Variants in PLCB1 observed in about 807,000 individuals in gnomAD.
PLCB1 encodes 1-phosphatidylinositol 4,5-bisphosphate phosphodiesterase beta-1.
Under a neutral mutation model 161.8 loss-of-function variants are expected in PLCB1, and 46 were observed. The observed-to-expected ratio is 0.28, with a 90% CI of 0.22 to 0.36. The LOEUF (loss-of-function observed/expected upper bound fraction) is 0.36. PLCB1 is among the 10% of genes least tolerant of loss of function. The pLI is 1.00. For missense variants in PLCB1, 1,016 were observed against 1,472.5 expected, an observed-to-expected ratio of 0.69 and a Z score of 5.07; for synonymous variants, 517 against 503.7, an observed-to-expected ratio of 1.03 and a Z score of -0.35.
intron 2 of PLCB1, among the ~76,000 whole-genome samples, chr20:8,277,285 G>C (rs943227245): frequency 6.6e-6 from 1 of 151,886 alleles, no homozygotes; most frequent in African/African-American, 2.4e-5. Flanking sequence ...ATCATACCAA[G>C]CCATGTATAA....
At chr20:8,142,625 C>T (rs975206949) in intron 1 of PLCB1, among the ~76,000 whole-genome samples, 28 of 152,234 alleles carry the variant, frequency 1.8e-4, no homozygotes, top group African/African-American at 6.3e-4. Flanking sequence ...CCAAATATTG[C>T]AATGAAAAGC....
chr20:8,560,000 G>C (rs1266801203), intron 3 of PLCB1, among the ~76,000 whole-genome samples: 1 of 151,848 alleles, frequency 6.6e-6, no homozygotes, highest in Non-Finnish European at 1.5e-5. Context: ...CTAAGTTCTG[G>C]AGATACACAT....
At chr20:8,508,790 A>T (rs1320423314) in intron 3 of PLCB1, among the ~76,000 whole-genome samples, 2 of 151,092 alleles carry the variant, frequency 1.3e-5, no homozygotes, top group African/African-American at 4.9e-5. Flanking sequence ...GCTTTGAATT[A>T]TATATATATA....
intron 2 of PLCB1, among the ~76,000 whole-genome samples, chr20:8,161,543 C>G (rs1189512942): frequency 1.3e-5 from 2 of 152,172 alleles, no homozygotes; most frequent in African/African-American, 2.4e-5. Context: ...GTTTAAAGAA[C>G]CTGTTTAATA....
intron 17 of PLCB1, among the ~76,000 whole-genome samples, chr20:8,728,476 G>A (rs1568575314): frequency 1.3e-5 from 2 of 152,036 alleles, no homozygotes; most frequent in African/African-American, 2.4e-5. Context: ...CATTGACCTT[G>A]CTATCAATTA....
chr20:8,504,923 A>G (rs1223145081), intron 3 of PLCB1, among the ~76,000 whole-genome samples: 2 of 152,202 alleles, frequency 1.3e-5, no homozygotes, highest in Non-Finnish European at 2.9e-5. Context: ...GCTGAAGTTC[A>G]GTGGAACGAC....
chr20:8,136,584 C>G (rs2051351915), intron 1 of PLCB1, among the ~76,000 whole-genome samples: 1 of 151,398 alleles, frequency 6.6e-6, no homozygotes, highest in South Asian at 2.1e-4. Context: ...CGAGATCGCG[C>G]CACTGCACTC....
At chr20:8,490,311 A>G (rs1982892957) in intron 3 of PLCB1, among the ~76,000 whole-genome samples, 1 of 152,218 alleles carries the variant, frequency 6.6e-6, no homozygotes, top group African/African-American at 2.4e-5. Flanking sequence ...TGGAGTGCAG[A>G]GCCACAGTGA....
At chr20:8,136,558 G>A (rs544393012) in intron 1 of PLCB1, among the ~76,000 whole-genome samples, 25 of 151,448 alleles carry the variant, frequency 1.7e-4, no homozygotes, top group Non-Finnish European at 2.4e-4. Flanking sequence ...CCTGGGAGGC[G>A]GAGCTTGCAG....
At chr20:8,442,409 C>A (rs1229868446) in intron 3 of PLCB1, among the ~76,000 whole-genome samples, 1 of 152,126 alleles carries the variant, frequency 6.6e-6, no homozygotes, top group South Asian at 2.1e-4. Flanking sequence ...CTGTATGAAG[C>A]CTCTTTTATA....
At chr20:8,819,192 T>A (rs6056156) in intron 31 of PLCB1, among the ~76,000 whole-genome samples, 150,171 of 152,278 alleles carry the variant, frequency 0.99, 74,061 homozygotes, top group East Asian at 1. Flanking sequence ...GGCACAAATA[T>A]GTGATCTATG....
At chr20:8,800,235 C>T (rs1324757397) in intron 31 of PLCB1, among the ~76,000 whole-genome samples, 3 of 152,210 alleles carry the variant, frequency 2.0e-5, no homozygotes, top group African/African-American at 7.2e-5. Flanking sequence ...ATTACAGTCT[C>T]TGTTTTCCAT....
At chr20:8,846,037 C>G (rs2146295954) in intron 31 of PLCB1, among the ~76,000 whole-genome samples, 2 of 152,254 alleles carry the variant, frequency 1.3e-5, no homozygotes, top group East Asian at 3.9e-4. Context: ...TCCATTCTCA[C>G]ACATCTATAA....
intron 3 of PLCB1, among the ~76,000 whole-genome samples, chr20:8,572,928 T>C (rs1986566397): frequency 6.6e-6 from 1 of 152,046 alleles, no homozygotes; most frequent in Non-Finnish European, 1.5e-5. Context: ...TTGGGAATTA[T>C]TAGTATTTAT....
intron 4 of PLCB1, among the ~76,000 whole-genome samples, chr20:8,644,064 C>T (rs942488231): frequency 3.3e-5 from 5 of 152,194 alleles, no homozygotes; most frequent in Non-Finnish European, 7.3e-5. Context: ...CCTGAGGTGC[C>T]GGGATTGCAG....
intron 2 of PLCB1, among the ~76,000 whole-genome samples, chr20:8,155,572 A>G (rs996310825): frequency 1.3e-5 from 2 of 152,260 alleles, no homozygotes; most frequent in African/African-American, 4.8e-5. Context: ...AATGTCAACA[A>G]GAAAATCTAG....
At chr20:8,324,656 A>AAG (rs1439362313) in intron 2 of PLCB1, among the ~76,000 whole-genome samples, 1 of 152,214 alleles carries the variant, frequency 6.6e-6, no homozygotes, top group Admixed American at 6.5e-5. Context: ...TTATAGTTGA[A>AAG]AGAGAATAAG....
chr20:8,835,955 T>C (rs781538781), intron 31 of PLCB1, among the ~76,000 whole-genome samples: 1 of 152,048 alleles, frequency 6.6e-6, no homozygotes, highest in Non-Finnish European at 1.5e-5. Context: ...GCTTCATTGA[T>C]CCCAGCTGGT....
At chr20:8,815,571 G>A (rs553959906) in intron 31 of PLCB1, among the ~76,000 whole-genome samples, 388 of 148,020 alleles carry the variant, frequency 2.6e-3, no homozygotes, top group South Asian at 7.9e-3. Flanking sequence ...TTTAGCCGAC[G>A]TGGAAAGAGG....
Sources: gnomAD v4.1 joint callset for allele counts (sites outside exome capture counted in the v4.1 genomes callset) on GRCh38, gnomAD v4.1.1 for gene constraint, MANE v1.5 for transcripts, NCBI Gene and HGNC (gene_info 2026-07-23, HGNC 2026-07-21) for gene names.